The following ARHGEF28 variants were observed in gnomAD, a reference collection of about 807,000 sequenced individuals.
ARHGEF28 encodes 190 kDa guanine nucleotide exchange factor.
A neutral mutation model predicts 206.6 loss-of-function variants in ARHGEF28; 152 were observed. The ratio of observed to expected loss-of-function variants is 0.74; its 90% CI spans 0.64 to 0.84. ARHGEF28 has a LOEUF of 0.84. Ranked by LOEUF, ARHGEF28 falls within the 40% of genes least tolerant of loss-of-function variation. The pLI, the probability that ARHGEF28 is intolerant of heterozygous loss-of-function variation, is 0.00. For synonymous variants in ARHGEF28, 763 were observed against 776.4 expected (o/e 0.98, Z 0.29); for missense variants, 2,028 against 2,073.2 (o/e 0.98, Z 0.42).
chr5:73,666,617 C>T (rs1263980213), intron 1 of ARHGEF28, among the ~76,000 whole-genome samples: 1 of 152,160 alleles, frequency 6.6e-6, no homozygotes, highest in East Asian at 1.9e-4. Context: ...GCTGCCTGCA[C>T]CTGTCAACTG....
At chr5:73,666,100 T>C (rs1045575063) in intron 1 of ARHGEF28, among the ~76,000 whole-genome samples, 6 of 152,132 alleles carry the variant, frequency 3.9e-5, no homozygotes, top group African/African-American at 1.2e-4. Flanking sequence ...GGGACAGGTA[T>C]AGGATAGACA....
chr5:73,832,695 A>G (rs1444255274), intron 10 of ARHGEF28, among the ~76,000 whole-genome samples: 1 of 152,190 alleles, frequency 6.6e-6, no homozygotes, highest in Non-Finnish European at 1.5e-5. Context: ...GTCTTGAGAT[A>G]CTGCCAAATG....
chr5:73,716,598 TCA>T, intron 2 of ARHGEF28, among the ~76,000 whole-genome samples: 1 of 152,202 alleles, frequency 6.6e-6, no homozygotes, highest in Non-Finnish European at 1.5e-5. Context: ...ACTGTGTGTT[TCA>T]GTTTGCTTTG....
intron 26 of ARHGEF28, 64 bp downstream of exon 26, chr5:73,887,743 A>G (rs2112676485): frequency 7.5e-7 from 1 of 1,335,378 alleles, no homozygotes; most frequent in Non-Finnish European, 1.0e-6. Context: ...CTTGAAAAAT[A>G]CCTAAAATTC....
chr5:73,788,696 C>G lies in ARHGEF28; in HGVS notation c.911-5706C>G, dbSNP rs144974416. On this transcript the variant is annotated intron_variant, in intron 7 of 35. Transcript: ENST00000513042. ...GGAGGATTAGGAAAGGGTGGTTTGT[C>G]TGCGTGTTTTATCAAATTGTCAAAA... Among the ~76,000 whole-genome samples, 37 of 152,224 alleles carry G rather than the reference C, an allele frequency of 2.4e-4. No homozygotes were observed. In the East Asian group the frequency reaches 6.6e-3, roughly 27 times the overall value.
chr5:73,937,851 A>G (rs1469125940), intron 35 of ARHGEF28, among the ~76,000 whole-genome samples: 1 of 152,138 alleles, frequency 6.6e-6, no homozygotes, highest in African/African-American at 2.4e-5. Flanking sequence ...AGAAATATAC[A>G]ATTGCTGTGC....
At chr5:73,826,703 G>C (rs1013481609) in intron 9 of ARHGEF28, among the ~76,000 whole-genome samples, 26 of 152,154 alleles carry the variant, frequency 1.7e-4, no homozygotes, top group Non-Finnish European at 2.2e-4. Flanking sequence ...TGTCAGAAGG[G>C]AGGCATCTGC....
At chr5:73,721,690 G>A (rs112833001) in intron 2 of ARHGEF28, among the ~76,000 whole-genome samples, 2 of 152,028 alleles carry the variant, frequency 1.3e-5, no homozygotes, top group African/African-American at 4.8e-5. Flanking sequence ...CTCCCACCTT[G>A]GCCTCCCAAG....
chr5:73,640,216 G>A (rs1426488885), intron 1 of ARHGEF28, among the ~76,000 whole-genome samples: 1 of 152,186 alleles, frequency 6.6e-6, no homozygotes, highest in African/African-American at 2.4e-5. Flanking sequence ...GGATCAGACA[G>A]GTACCTGGAC....
chr5:73,941,221 T>A lies in ARHGEF28; in HGVS notation c.*208T>A. On this transcript the variant is annotated 3_prime_UTR_variant, in exon 36 of 36. Transcript: ENST00000513042. ...TGTATAATCTTTAACTTATCAAATC[T>A]AATTTCAGATTTCTGGAGGAGAAAC... The A allele has an allele frequency of 3.3e-6, 1 of 299,570 alleles. No individual in the cohort carries two copies. The highest frequency in any genetic ancestry group is 5.8e-6 in the Non-Finnish European group (1 of 173,744). The allele number at this position is 299,570 out of a possible 1,614,324, so 18.6% of individuals were successfully genotyped here. A position where few individuals can be genotyped will look rare whatever the true frequency, so the allele number is the denominator to read the frequency against.
intron 12 of ARHGEF28, among the ~76,000 whole-genome samples, chr5:73,847,835 A>G (rs982407599): frequency 1.3e-5 from 2 of 152,222 alleles, no homozygotes; most frequent in African/African-American, 4.8e-5. Flanking sequence ...GTTTAGGGTT[A>G]TAGGACAACT....
At position 73,904,412 on chromosome 5, in the gene ARHGEF28, ATCC is replaced by A. The variant is rs1409020751; in HGVS notation, c.4161+13_4161+15del. The A allele has an allele frequency of 1.9e-6, 3 of 1,606,690 alleles. No individual in the cohort carries two copies. The Admixed American group carries it at 5.0e-5, about 27-fold the overall frequency. ...TCTCTTATACAGCCTTCAGGTAACT[ATCC>A]TCCTCTAATCTTTGACCTTGTGAAT... On this transcript the variant is annotated splice_region_variant and intron_variant, in intron 33 of 35. Transcript: ENST00000513042.
chr5:73,878,147 C>G (rs1760657116), intron 22 of ARHGEF28, among the ~76,000 whole-genome samples: 1 of 151,836 alleles, frequency 6.6e-6, no homozygotes. Context: ...GTTAGCTCTT[C>G]TTGTTGAATT....
intron 2 of ARHGEF28, among the ~76,000 whole-genome samples, chr5:73,741,102 C>T (rs1751350608): frequency 2.0e-5 from 3 of 151,996 alleles, no homozygotes; most frequent in Admixed American, 6.6e-5. Flanking sequence ...CTTGTTTTCA[C>T]TTACTAGGAG....
chr5:73,636,475 A>C (rs1167517810), intron 1 of ARHGEF28, among the ~76,000 whole-genome samples: 1 of 152,330 alleles, frequency 6.6e-6, no homozygotes. Context: ...CTTTATCTTC[A>C]TCAGCTGTGT....
chr5:73,900,503 C>G (rs1762203800), intron 30 of ARHGEF28: 1 of 152,150 alleles, frequency 6.6e-6, no homozygotes, highest in African/African-American at 2.4e-5. Flanking sequence ...TATTTCGGGA[C>G]TAGTTTCTAT....
intron 1 of ARHGEF28, among the ~76,000 whole-genome samples, chr5:73,666,353 G>C (rs1745954400): frequency 6.6e-6 from 1 of 152,216 alleles, no homozygotes; most frequent in African/African-American, 2.4e-5. Context: ...GGAGGCTTGT[G>C]CCTGCAGCTT....
intron 1 of ARHGEF28, among the ~76,000 whole-genome samples, chr5:73,657,978 A>G (rs1745324900): frequency 6.6e-6 from 1 of 152,106 alleles, no homozygotes; most frequent in Non-Finnish European, 1.5e-5. Context: ...CTGTTTTTCA[A>G]TGAGTCTTTA....
chr5:73,852,703 C>T lies in ARHGEF28; in HGVS notation c.1790+11C>T. 1 of 1,613,154 alleles carries T rather than the reference C, an allele frequency of 6.2e-7. No homozygotes were observed. Among genetic ancestry groups the T allele is most frequent in the African/African-American group, 1.3e-5 (1 of 75,036 alleles). ...ACCAAGAGAAAACAGGTACTTTTAACTATTCCAATTTTCCTGAGGAACTGC... is the reference window on the plus strand; with the variant it reads ...ACCAAGAGAAAACAGGTACTTTTAATTATTCCAATTTTCCTGAGGAACTGC... On this transcript the variant is annotated intron_variant, in intron 14 of 35. Transcript: ENST00000513042.
Sources: gnomAD v4.1 joint callset for allele counts (sites outside exome capture counted in the v4.1 genomes callset) on GRCh38, gnomAD v4.1.1 for gene constraint, MANE v1.5 for transcripts, NCBI Gene and HGNC (gene_info 2026-07-23, HGNC 2026-07-21) for gene names.